CHRDL1: variants seen among roughly 807,000 people sequenced by gnomAD.
CHRDL1 encodes the protein chordin like 1.
A neutral mutation model predicts 40.9 loss-of-function variants in CHRDL1; 19 were observed. The observed-to-expected ratio is 0.46, with a 90% CI of 0.32 to 0.68. CHRDL1 has a LOEUF of 0.68. Among genes scored for constraint, CHRDL1 ranks in the 30% least tolerant of loss-of-function variants. The pLI is 0.03. For synonymous variants in CHRDL1, 136 were observed against 123.4 expected, an observed-to-expected ratio of 1.10 and a Z score of -0.68; for missense variants, 329 against 352.1, an observed-to-expected ratio of 0.93 and a Z score of 0.53.
At chrX:110,774,037 C>A (rs1285023264) in intron 2 of CHRDL1, among the ~76,000 whole-genome samples, 1 of 111,649 alleles carries the variant, frequency 9.0e-6, no homozygotes, top group African/African-American at 3.3e-5. Flanking sequence ...TTTTGCCTCA[C>A]ATATTTTGAT....
intron 4 of CHRDL1, among the ~76,000 whole-genome samples, chrX:110,755,039 T>C (rs1223371485): frequency 1.8e-5 from 2 of 110,860 alleles, no homozygotes; most frequent in Non-Finnish European, 3.8e-5. Context: ...CCTTCCAGCA[T>C]TACCACTTCA....
At chrX:110,711,361 T>C (rs1309708756) in intron 6 of CHRDL1, among the ~76,000 whole-genome samples, 3 of 111,831 alleles carry the variant, frequency 2.7e-5, no homozygotes, top group Admixed American at 9.5e-5. Context: ...AAGTATACAA[T>C]ACTATATGGT....
intron 4 of CHRDL1, among the ~76,000 whole-genome samples, chrX:110,736,961 C>T (rs1204489657): frequency 8.9e-6 from 1 of 111,769 alleles, no homozygotes; most frequent in Non-Finnish European, 1.9e-5. Flanking sequence ...AGTGGCCAAC[C>T]AGAAGTGATC....
At chrX:110,779,491 T>G (rs1015877761) in intron 2 of CHRDL1, among the ~76,000 whole-genome samples, 1 of 111,879 alleles carries the variant, frequency 8.9e-6, no homozygotes, top group Non-Finnish European at 1.9e-5. Flanking sequence ...ATTACTTTGT[T>G]AAAGATCAGT....
At chrX:110,677,262 T>C (rs1021600557) in intron 11 of CHRDL1, among the ~76,000 whole-genome samples, 2 of 111,223 alleles carry the variant, frequency 1.8e-5, no homozygotes, top group Non-Finnish European at 3.8e-5. Flanking sequence ...CCCCATTCTC[T>C]ATGACTCAAT....
At chrX:110,763,327 C>T (rs2089598538) in intron 2 of CHRDL1, among the ~76,000 whole-genome samples, 1 of 107,911 alleles carries the variant, frequency 9.3e-6, no homozygotes, top group Admixed American at 1.0e-4. Flanking sequence ...ATTCTTATGC[C>T]TTTACATCCT....
chrX:110,738,739 CAA>C (rs773511151), intron 4 of CHRDL1, among the ~76,000 whole-genome samples: 6 of 65,235 alleles, frequency 9.2e-5, no homozygotes, highest in Admixed American at 1.8e-4. Flanking sequence ...GAGACTCCTT[CAA>C]AAAAAAAAAA....
chrX:110,761,924 G>T (rs1394365436), intron 3 of CHRDL1, among the ~76,000 whole-genome samples: 2 of 112,588 alleles, frequency 1.8e-5, no homozygotes, highest in Non-Finnish European at 3.8e-5. Flanking sequence ...AAGAGGTACA[G>T]GCCAACGTTT....
chrX:110,691,942 C>T (rs1413654232), intron 8 of CHRDL1, among the ~76,000 whole-genome samples: 3 of 109,009 alleles, frequency 2.8e-5, no homozygotes, highest in African/African-American at 1.0e-4. Flanking sequence ...TTTTTTTCTC[C>T]CCAAACAGTA....
chrX:110,731,066 T>G (rs945029601), intron 4 of CHRDL1, among the ~76,000 whole-genome samples: 1 of 111,200 alleles, frequency 9.0e-6, no homozygotes, highest in Admixed American at 9.6e-5. Flanking sequence ...TCTGCGATGG[T>G]AGAGCTTCCA....
At chrX:110,788,747 A>G (rs961742968) in intron 2 of CHRDL1, among the ~76,000 whole-genome samples, 2 of 112,219 alleles carry the variant, frequency 1.8e-5, no homozygotes, top group African/African-American at 6.5e-5. Context: ...TAAAAGTGAA[A>G]CTTGCCAATT....
chrX:110,687,314 A>T (rs972275672), intron 9 of CHRDL1, among the ~76,000 whole-genome samples: 1 of 111,463 alleles, frequency 9.0e-6, no homozygotes, highest in African/African-American at 3.3e-5. Flanking sequence ...GGGATCTTTT[A>T]AAAATGCCAC....
At chrX:110,698,345 C>T (rs994087990) in intron 7 of CHRDL1, among the ~76,000 whole-genome samples, 4 of 111,611 alleles carry the variant, frequency 3.6e-5, no homozygotes, top group African/African-American at 9.8e-5. Context: ...TCCACCATCA[C>T]ACACATTTTA....
chrX:110,687,028 T>C (rs766243446), intron 9 of CHRDL1, among the ~76,000 whole-genome samples: 100 of 111,238 alleles, frequency 9.0e-4, no homozygotes, highest in Non-Finnish European at 1.6e-3. Flanking sequence ...CGCTGCCCCC[T>C]GTGTACTCTG....
chrX:110,733,455 C>T (rs1219479669), intron 4 of CHRDL1, among the ~76,000 whole-genome samples: 1 of 111,941 alleles, frequency 8.9e-6, no homozygotes, highest in Admixed American at 9.5e-5. Context: ...CCATCAAACA[C>T]ACTCTGATTT....
At chrX:110,745,796 CTG>C (rs1477353879) in intron 4 of CHRDL1, among the ~76,000 whole-genome samples, 2 of 112,132 alleles carry the variant, frequency 1.8e-5, no homozygotes, top group Non-Finnish European at 3.8e-5. Flanking sequence ...AGCTTATACT[CTG>C]TAAATGTTTG....
At chrX:110,772,325 T>A (rs1259416561) in intron 2 of CHRDL1, among the ~76,000 whole-genome samples, 1 of 112,862 alleles carries the variant, frequency 8.9e-6, no homozygotes. Flanking sequence ...AAAAGAAACA[T>A]GTCAGAGACT....
chrX:110,780,087 T>A (rs1307154179), intron 2 of CHRDL1, among the ~76,000 whole-genome samples: 1 of 111,627 alleles, frequency 9.0e-6, no homozygotes, highest in African/African-American at 3.2e-5. Context: ...TTGTTGTTGA[T>A]CCCTTGGGAT....
intron 9 of CHRDL1, among the ~76,000 whole-genome samples, chrX:110,687,819 A>C (rs771853422): frequency 1.8e-5 from 2 of 111,405 alleles, no homozygotes; most frequent in Non-Finnish European, 3.8e-5. Flanking sequence ...GTCAACCCCA[A>C]TATTAGGGAC....
Sources: gnomAD v4.1 joint callset for allele counts (sites outside exome capture counted in the v4.1 genomes callset) on GRCh38, gnomAD v4.1.1 for gene constraint, MANE v1.5 for transcripts, NCBI Gene and HGNC (gene_info 2026-07-23, HGNC 2026-07-21) for gene names.